Variants in C6orf118 observed in about 807,000 individuals in gnomAD.
C6orf118 encodes the protein uncharacterized protein C6orf118.
C6orf118 carries 50 observed loss-of-function variants against 50.2 expected under a neutral mutation model. The ratio of observed to expected loss-of-function variants is 1.00; its 90% confidence interval spans 0.79 to 1.26. The LOEUF is 1.26. Ranked by LOEUF, C6orf118 falls within the 50% of genes most tolerant of loss-of-function variation. C6orf118 has a pLI of 0.00. For synonymous variants in C6orf118, 239 were observed against 230.9 expected (o/e 1.03, Z -0.32); for missense variants, 641 against 578.7 (o/e 1.11, Z -1.10).
chr6:165,283,850 T>A (rs966103154), intron 7 of C6orf118, among the ~76,000 whole-genome samples: 2 of 152,142 alleles, frequency 1.3e-5, no homozygotes, highest in African/African-American at 4.8e-5. Context: ...CAAAGATAGA[T>A]AAGTGCATGA....
At position 165,293,614 on chromosome 6, in the gene C6orf118, T is replaced by C. The variant is rs984195092; in HGVS notation, c.1062-143A>G. On this transcript the variant is annotated intron_variant, in intron 5 of 8. Transcript: ENST00000230301. The stretch of plus-strand genomic sequence containing the variant: ...TTTAACACGACAGATACTCTGAAGA[T>C]ATTTATTAAATGACAGCCTAAATCA... The C allele has an allele frequency of 1.3e-5, 8 of 598,284 alleles. No individual in the cohort carries two copies. The East Asian group carries it at 2.1e-4, about 16-fold the overall frequency. The allele number at this position is 598,284 out of a possible 1,614,324, so 37.1% of individuals were successfully genotyped here. A position where few individuals can be genotyped will look rare whatever the true frequency, so the allele number is the denominator to read the frequency against.
intron 5 of C6orf118, among the ~76,000 whole-genome samples, chr6:165,295,650 T>G (rs936489602): frequency 2.4e-4 from 23 of 97,646 alleles, no homozygotes; most frequent in African/African-American, 1.8e-4. Context: ...TGATTTATTG[T>G]TTTTTTTTTT....
rs752594171 is a variant in C6orf118, at chr6:165,280,020, A to C, written c.*37T>G. ...ATCCATGCTACATACATGGAAGTTA[A>C]GAATTTCCACTGGCCATTTGTTCAG... On this transcript the variant is annotated 3_prime_UTR_variant, in exon 9 of 9. Coordinates refer to ENST00000230301, the MANE Select transcript of C6orf118 (RefSeq NM_144980.4). The C allele has an allele frequency of 2.5e-6, 4 of 1,586,066 alleles. No individual in the cohort carries two copies. The African/African-American group carries it at 5.5e-5, about 22-fold the overall frequency.
At chr6:165,280,199 C>T in intron 8 of C6orf118, 89 bp from the exon 9 acceptor site, 1 of 852,140 alleles carries the variant, frequency 1.2e-6, no homozygotes. Flanking sequence ...CTATTTTAGA[C>T]ACATTTACCC....
intron 4 of C6orf118, among the ~76,000 whole-genome samples, chr6:165,298,377 T>TG: frequency 6.6e-6 from 1 of 152,198 alleles, no homozygotes; most frequent in African/African-American, 2.4e-5. Flanking sequence ...TTGGCCCGTG[T>TG]GGGGGGAAGG....
intron 6 of C6orf118, among the ~76,000 whole-genome samples, chr6:165,291,667 T>C (rs1192958418): frequency 6.6e-6 from 1 of 150,486 alleles, no homozygotes; most frequent in African/African-American, 2.4e-5. Context: ...GCAGGTAAAA[T>C]AGATTTGGAA....
chr6:165,282,882 G>A (rs1269027714), intron 7 of C6orf118, among the ~76,000 whole-genome samples: 2 of 152,042 alleles, frequency 1.3e-5, no homozygotes, highest in African/African-American at 4.8e-5. Context: ...TGAAAGAATA[G>A]TTTACATTGT....
chr6:165,303,099 T>A (rs1425133083), intron 1 of C6orf118, among the ~76,000 whole-genome samples: 1 of 152,218 alleles, frequency 6.6e-6, no homozygotes, highest in Non-Finnish European at 1.5e-5. Context: ...TGTACTGTGA[T>A]GGCCAAAGGG....
At chr6:165,296,301 A>G in intron 5 of C6orf118, among the ~76,000 whole-genome samples, 1 of 118,548 alleles carries the variant, frequency 8.4e-6, no homozygotes. Flanking sequence ...CTTTGAACAG[A>G]AGTTTAATTT....
At chr6:165,293,177 C>A (rs1048343756) in intron 6 of C6orf118, 8 of 466,490 alleles carry the variant, frequency 1.7e-5, no homozygotes, top group Middle Eastern at 3.6e-4. Context: ...TCATGAAATG[C>A]GTATTTTTCC....
intron 3 of C6orf118, 53 bp downstream of exon 3, chr6:165,300,311 C>A: frequency 2.5e-6 from 4 of 1,603,790 alleles, no homozygotes; most frequent in African/African-American, 1.3e-5. Flanking sequence ...TTCTTGTACA[C>A]AGAACCTCAT....
chr6:165,293,045 T>G (rs1780160324), intron 6 of C6orf118: 1 of 228,536 alleles, frequency 4.4e-6, no homozygotes, highest in Admixed American at 5.0e-5. Flanking sequence ...AGCAAGATAC[T>G]TAAACTTATT....
At chr6:165,298,182 G>A (rs761008629) in intron 4 of C6orf118, 81 bp from the exon 5 acceptor site, 83 of 1,440,822 alleles carry the variant, frequency 5.8e-5, no homozygotes, top group Admixed American at 2.4e-4. Flanking sequence ...TCATTAATGC[G>A]TTTTCAAGGT....
chr6:165,298,602 T>A (rs373002474), intron 4 of C6orf118, among the ~76,000 whole-genome samples: 78 of 152,292 alleles, frequency 5.1e-4, no homozygotes, highest in African/African-American at 1.8e-3. Flanking sequence ...GGCCTGGGAA[T>A]TTTTTCATGC....
chr6:165,286,767 A>G (rs1378501514), intron 7 of C6orf118, among the ~76,000 whole-genome samples: 5 of 152,186 alleles, frequency 3.3e-5, no homozygotes, highest in Admixed American at 3.3e-4. Flanking sequence ...GTATTGATGA[A>G]CACATCTCAA....
At chr6:165,293,550 G>T in intron 5 of C6orf118, 79 bp from the exon 6 acceptor site, 1 of 1,101,470 alleles carries the variant, frequency 9.1e-7, no homozygotes, top group Middle Eastern at 2.1e-4. Flanking sequence ...TACACCACAA[G>T]TCTCTTACAG....
chr6:165,297,929 G>C (rs200852099), intron 5 of C6orf118, 48 bp downstream of exon 5: 232 of 1,610,872 alleles, frequency 1.4e-4, no homozygotes, highest in Non-Finnish European at 1.8e-4. Context: ...TTCAGACCTT[G>C]TTACGGAAGA....
At chr6:165,309,144 T>C (rs1488345789) in intron 1 of C6orf118, among the ~76,000 whole-genome samples, 1 of 152,224 alleles carries the variant, frequency 6.6e-6, no homozygotes, top group Non-Finnish European at 1.5e-5. Context: ...CTGAGCTTTG[T>C]GGTCATTTAT....
chr6:165,294,875 C>T lies in C6orf118; in HGVS notation c.1062-1404G>A, dbSNP rs184674568. ...TCCAGCCTGGGCAACAGAGCAAGAC[C>T]CTGTCTCAAAGAAAAAAATTTAAGA... On this transcript the variant is annotated intron_variant, in intron 5 of 8. Transcript: ENST00000230301. Among the ~76,000 whole-genome samples, 58 of 151,972 alleles carry T rather than the reference C, an allele frequency of 3.8e-4. 1 individual carries two copies. The East Asian group carries it at 6.8e-3, about 18-fold the overall frequency.
Sources: gnomAD v4.1 joint callset for allele counts (sites outside exome capture counted in the v4.1 genomes callset) on GRCh38, gnomAD v4.1.1 for gene constraint, MANE v1.5 for transcripts, NCBI Gene and HGNC (gene_info 2026-07-23, HGNC 2026-07-21) for gene names.